The following SPOCK3 variants were observed in gnomAD, a reference collection of about 807,000 sequenced individuals.
SPOCK3 encodes the protein SPARC (osteonectin), cwcv and kazal like domains proteoglycan 3, also known as testican-3.
Under a neutral mutation model 56.6 loss-of-function variants are expected in SPOCK3, and 30 were observed. That is an observed-to-expected ratio of 0.53 (90% confidence interval 0.40 to 0.72). SPOCK3 has a LOEUF of 0.72. Among genes scored for constraint, SPOCK3 ranks in the 30% least tolerant of loss-of-function variants. The probability of loss-of-function intolerance (pLI) is 0.00; values close to 1 mark genes in which losing one functional copy is unlikely to be tolerated. For missense variants in SPOCK3, 527 were observed against 530.0 expected, an observed-to-expected ratio of 0.99 and a Z score of 0.06; for synonymous variants, 196 against 183.3, an observed-to-expected ratio of 1.07 and a Z score of -0.56.
At chr4:166,824,285 A>G (rs1745228165) in intron 6 of SPOCK3, among the ~76,000 whole-genome samples, 1 of 152,132 alleles carries the variant, frequency 6.6e-6, no homozygotes, top group South Asian at 2.1e-4. Flanking sequence ...AATACATCCA[A>G]TAGATTATCC....
intron 4 of SPOCK3, among the ~76,000 whole-genome samples, chr4:166,969,616 T>C (rs1315202366): frequency 6.6e-6 from 1 of 152,220 alleles, no homozygotes; most frequent in Non-Finnish European, 1.5e-5. Context: ...ATGTGTTTGC[T>C]TCCTCTTTGC....
chr4:167,119,920 G>A, intron 2 of SPOCK3: 1 of 1,307,760 alleles, frequency 7.6e-7, no homozygotes, highest in Non-Finnish European at 1.0e-6. Flanking sequence ...AGGAAAGAAA[G>A]AAAGAAAAGA....
chr4:166,817,097 G>A (rs961832411), intron 6 of SPOCK3, among the ~76,000 whole-genome samples: 1 of 152,038 alleles, frequency 6.6e-6, no homozygotes, highest in African/African-American at 2.4e-5. Flanking sequence ...AGCGACAGGA[G>A]CAGTCAGAGG....
intron 7 of SPOCK3, among the ~76,000 whole-genome samples, chr4:166,769,533 A>C (rs977107414): frequency 6.6e-6 from 1 of 152,114 alleles, no homozygotes; most frequent in African/African-American, 2.4e-5. Flanking sequence ...TTCCTGCCTG[A>C]TCGTTCCTCT....
rs541539939 is a variant in SPOCK3 at position 166,821,906 on chromosome 4, A to G, written c.590-29617T>C. On this transcript the variant is annotated intron_variant, in intron 6 of 10. Coordinates refer to ENST00000357545, the MANE Select transcript of SPOCK3 (RefSeq NM_001040159.2). ...TTTATGGTATATCAATTATCTAAATATAACTGTTAAAATTGCATGTGTTAT... is the reference window on the plus strand; with the variant it reads ...TTTATGGTATATCAATTATCTAAATGTAACTGTTAAAATTGCATGTGTTAT... 2.6e-5 allele frequency among the ~76,000 whole-genome samples: 4 copies of G among 152,212 alleles called. No homozygotes were observed. The South Asian group carries it at 8.3e-4, about 32-fold the overall frequency.
chr4:166,900,839 T>G (rs1735972751), intron 5 of SPOCK3, among the ~76,000 whole-genome samples: 1 of 152,152 alleles, frequency 6.6e-6, no homozygotes, highest in Non-Finnish European at 1.5e-5. Flanking sequence ...CCACTAATCT[T>G]GTGGTAATAG....
chr4:166,902,492 T>C (rs1560990524), intron 5 of SPOCK3, among the ~76,000 whole-genome samples: 1 of 151,412 alleles, frequency 6.6e-6, no homozygotes. Flanking sequence ...TATTTCAGAT[T>C]AAACTTTTGA....
chr4:167,233,339 G>A (rs754879909), intron 2 of SPOCK3, among the ~76,000 whole-genome samples: 16 of 152,106 alleles, frequency 1.1e-4, no homozygotes, highest in Non-Finnish European at 1.8e-4. Flanking sequence ...TCCCGCCCTC[G>A]CAACCTCTTC....
intron 2 of SPOCK3, among the ~76,000 whole-genome samples, chr4:167,101,506 C>T (rs1729485541): frequency 6.6e-6 from 1 of 151,980 alleles, no homozygotes; most frequent in African/African-American, 2.4e-5. Context: ...ACCTCAGAAA[C>T]TCACATGATC....
At chr4:167,144,704 G>A (rs1481342129) in intron 2 of SPOCK3, among the ~76,000 whole-genome samples, 2 of 142,846 alleles carry the variant, frequency 1.4e-5, no homozygotes, top group Non-Finnish European at 3.0e-5. Flanking sequence ...GTGAAGGACA[G>A]AGCCATGCAG....
At chr4:167,023,508 A>C (rs538863007) in intron 3 of SPOCK3, among the ~76,000 whole-genome samples, 24 of 152,140 alleles carry the variant, frequency 1.6e-4, no homozygotes, top group African/African-American at 5.8e-4. Context: ...GTTGGCAAAG[A>C]GTAAGGGGGT....
intron 2 of SPOCK3, among the ~76,000 whole-genome samples, chr4:167,219,628 C>G (rs1416719227): frequency 6.6e-6 from 1 of 151,838 alleles, no homozygotes; most frequent in East Asian, 1.9e-4. Flanking sequence ...ACAAAATTAT[C>G]TAGAACACTC....
chr4:166,737,326 T>A (rs1021972353), intron 10 of SPOCK3, 141 bp downstream of exon 10: 2 of 836,062 alleles, frequency 2.4e-6, no homozygotes, highest in Admixed American at 3.0e-5. Context: ...GTAAGTTTTT[T>A]TTGTCACTCC....
intron 2 of SPOCK3, among the ~76,000 whole-genome samples, chr4:167,147,401 G>A (rs1326550599): frequency 2.0e-5 from 3 of 152,026 alleles, no homozygotes; most frequent in African/African-American, 7.2e-5. Flanking sequence ...AGACAGTGTG[G>A]TGATTCCTCA....
chr4:167,126,547 C>G (rs1433972671), intron 2 of SPOCK3, among the ~76,000 whole-genome samples: 1 of 149,400 alleles, frequency 6.7e-6, no homozygotes, highest in Non-Finnish European at 1.5e-5. Flanking sequence ...CAAACTCTGT[C>G]AAAAAAACAA....
At chr4:166,901,639 A>G (rs989617983) in intron 5 of SPOCK3, among the ~76,000 whole-genome samples, 3 of 152,144 alleles carry the variant, frequency 2.0e-5, no homozygotes, top group Non-Finnish European at 4.4e-5. Context: ...CATCTATGCA[A>G]TCACTAGTGT....
chr4:166,961,564 A>G (rs1353415748), intron 4 of SPOCK3, among the ~76,000 whole-genome samples: 2 of 151,444 alleles, frequency 1.3e-5, no homozygotes, highest in Non-Finnish European at 2.9e-5. Flanking sequence ...AAAAAAAAAA[A>G]GCTTATCAAG....
chr4:167,062,101 C>A (rs571471559), intron 3 of SPOCK3, among the ~76,000 whole-genome samples: 3 of 151,576 alleles, frequency 2.0e-5, no homozygotes, highest in African/African-American at 7.3e-5. Flanking sequence ...TTAAAGGAAA[C>A]CTTTTATTAA....
chr4:166,743,151 A>G lies in SPOCK3; in HGVS notation c.932-1092T>C, dbSNP rs149220886. 3.3e-4 allele frequency among the ~76,000 whole-genome samples: 50 copies of G among 152,230 alleles called. No individual in the cohort carries two copies. The East Asian group carries it at 9.1e-3, about 28-fold the overall frequency. On this transcript the variant is annotated intron_variant, in intron 8 of 10. Transcript: ENST00000357545. The stretch of plus-strand genomic sequence containing the variant: ...ATACAGTCTTATCTGAAAGCAGTTT[A>G]GTGCATTTTATATTCATATTCTAAA...
Sources: allele counts gnomAD v4.1 joint callset (sites outside exome capture counted in the v4.1 genomes callset), GRCh38; gene constraint gnomAD v4.1.1; transcripts MANE v1.5; gene names NCBI Gene and HGNC (gene_info 2026-07-23, HGNC 2026-07-21).